COL5A3: variants seen among roughly 807,000 people sequenced by gnomAD.
COL5A3 encodes the protein collagen type V alpha 3 chain, also known as collagen alpha-3(V) chain.
COL5A3 carries 172 observed loss-of-function variants against 250.0 expected under a neutral mutation model. That is an observed-to-expected ratio of 0.69 (90% confidence interval 0.61 to 0.78). The LOEUF is 0.78. COL5A3 is among the 30% of genes least tolerant of loss of function. The probability of loss-of-function intolerance (pLI) is 0.00; values close to 1 mark genes in which losing one functional copy is unlikely to be tolerated. For missense variants in COL5A3, 2,340 were observed against 2,334.4 expected (o/e 1.00, Z -0.05); for synonymous variants, 937 against 900.4 (o/e 1.04, Z -0.73).
intron 65 of COL5A3, 21 bp downstream of exon 65, chr19:9,962,798 A>G (rs1037823059): frequency 3.1e-6 from 5 of 1,589,746 alleles, no homozygotes; most frequent in Non-Finnish European, 4.3e-6. Flanking sequence ...GTCACTCCCC[A>G]TCTCGGCCTC....
intron 8 of COL5A3, among the ~76,000 whole-genome samples, chr19:9,999,936 T>G (rs1316466606): frequency 1.3e-5 from 2 of 152,040 alleles, no homozygotes; most frequent in African/African-American, 4.8e-5. Context: ...TTTTGTATAT[T>G]TTGTAAAGAT....
At chr19:9,987,891 T>C (rs1235883409) in intron 27 of COL5A3, among the ~76,000 whole-genome samples, 1 of 151,982 alleles carries the variant, frequency 6.6e-6, no homozygotes, top group Non-Finnish European at 1.5e-5. Flanking sequence ...GCCATCATTA[T>C]GCTGCTATAT....
rs1327604447 is a variant in COL5A3, at chr19:9,979,995, G to A, written c.2657C>T (p.Pro886Leu). 3 of 1,585,534 alleles carry A rather than the reference G, an allele frequency of 1.9e-6. 1 individual carries two copies. The highest frequency in any genetic ancestry group is 2.3e-5 in the South Asian group (2 of 86,826). The change falls in exon 36 of 67, where the codon CCT becomes CTT. Residue 886 changes from proline to leucine, a missense_variant and splice_region_variant. By Grantham distance (98) the Pro-to-Leu change is moderately conservative. Transcript: ENST00000264828. ...PPGFPGPKGP[P>L]GHQGKDGRPG... ...CCCAATGAGGGTGACCTCACTCACA[G>A]GGGGGCCCTTTGGCCCAGGGAATCC...
intron 8 of COL5A3, among the ~76,000 whole-genome samples, 158 bp downstream of exon 8, chr19:10,001,366 C>T (rs1305923367): frequency 6.6e-6 from 1 of 152,144 alleles, no homozygotes; most frequent in African/African-American, 2.4e-5. Context: ...AGGCTAGTCT[C>T]AATCTCCTGA....
chr19:9,988,000 C>T (rs1015851212), intron 27 of COL5A3, among the ~76,000 whole-genome samples: 4 of 151,976 alleles, frequency 2.6e-5, no homozygotes, highest in South Asian at 4.2e-4. Context: ...TTTGAGAGGC[C>T]GAGGCGGCCG....
chr19:9,965,978 C>T (rs1010771120), intron 64 of COL5A3, among the ~76,000 whole-genome samples: 1 of 150,294 alleles, frequency 6.7e-6, no homozygotes, highest in African/African-American at 2.4e-5. Flanking sequence ...GGACTACAGG[C>T]TCGCACCACC....
Position 9,990,392 on chromosome 19 carries a change from C to CAAA in COL5A3, c.1993-873_1993-871dup, listed in dbSNP as rs879496349. Among the ~76,000 whole-genome samples, 164 of 81,828 alleles carry CAAA rather than the reference C, an allele frequency of 2.0e-3. 2 individuals carry two copies. The highest frequency in any genetic ancestry group is 7.2e-3 in the Middle Eastern group (1 of 138). 53.7% of individuals were successfully genotyped at this position (81,828 alleles called of 152,430 possible). A position where few individuals can be genotyped will look rare whatever the true frequency, so the allele number is the denominator to read the frequency against. ...CTGGACAACAAGAGTGAAATTCTGT[C>CAAA]AAAAAAAAAAAAAAAACTAAAATAG... On this transcript the variant is annotated intron_variant, in intron 24 of 66. Coordinates refer to ENST00000264828, the MANE Select transcript of COL5A3 (RefSeq NM_015719.4).
intron 20 of COL5A3, 21 bp from the exon 21 acceptor site, chr19:9,992,901 T>A (rs2087214656): frequency 3.7e-6 from 6 of 1,613,248 alleles, no homozygotes; most frequent in Non-Finnish European, 5.1e-6. Flanking sequence ...GCAGGCGAAT[T>A]ATTTCCACAT....
chr19:10,002,002 A>C (rs983441614), intron 6 of COL5A3, 121 bp from the exon 7 acceptor site: 7 of 684,318 alleles, frequency 1.0e-5, no homozygotes, highest in Non-Finnish European at 1.8e-5. Flanking sequence ...GAGGCTCCCC[A>C]AAGAGCACCA....
chr19:10,001,152 G>A (rs563000880), intron 8 of COL5A3, among the ~76,000 whole-genome samples: 1 of 148,694 alleles, frequency 6.7e-6, no homozygotes, highest in East Asian at 2.0e-4. Context: ...AAATTGTTCG[G>A]TTTTTTTTTT....
chr19:9,993,386 A>G lies in COL5A3; in HGVS notation c.1743T>C (p.Gly581=), dbSNP rs765328615. ...VGQPGPPGED[G]ERGAEGPPGP... is the part of the protein sequence containing the mutation. ...AACTCTCTTCCAAACTTACCCTCTC[A>G]CCATCCTCTCCTGGGGGACCGGGTT... The change falls in exon 19 of 67, where the codon GGT becomes GGC. Residue 581 remains glycine (G), a synonymous_variant. Transcript: ENST00000264828. 1.2e-6 allele frequency: 2 copies of G among 1,613,768 alleles called. No homozygotes were observed. Among genetic ancestry groups the G allele is most frequent in the Middle Eastern group, 1.7e-4 (1 of 6,060 alleles).
rs1203039468 is a variant in COL5A3, at chr19:9,967,356, T to C, written c.4449A>G (p.Pro1483=). The C allele has an allele frequency of 6.9e-7, 1 of 1,445,988 alleles. No homozygotes were observed. Among genetic ancestry groups the C allele is most frequent in the Non-Finnish European group, 9.0e-7 (1 of 1,105,440 alleles). The allele number at this position is 1,445,988 out of a possible 1,614,324, so 89.6% of individuals were successfully genotyped here. Residue 1483 remains proline (P), a synonymous_variant, in exon 62 of 67, where the codon CCA becomes CCG. Coordinates refer to ENST00000264828, the MANE Select transcript of COL5A3 (RefSeq NM_015719.4). ...CCCCCGGGGAACTCACCGGGGGGCC[T>C]GGTGGGCCTGCAGGTCCAGTGTCTC... ...PRGDTGPAGP[P]GPPGAPAELH...
chr19:9,993,389 A>T lies in COL5A3; in HGVS notation c.1740T>A (p.Asp580Glu). Residue 580 changes from aspartate to glutamate, a missense_variant, in exon 19 of 67, where the codon GAT becomes GAA. By Grantham distance (45) the Asp-to-Glu change is conservative. Transcript: ENST00000264828. ...HVGQPGPPGEDGERGAEGPPG... is the reference protein window; with the variant it reads ...HVGQPGPPGEEGERGAEGPPG... ...TCTCTTCCAAACTTACCCTCTCACC[A>T]TCCTCTCCTGGGGGACCGGGTTGCC... is the stretch of plus-strand genomic sequence containing the variant. The T allele has an allele frequency of 6.2e-7, 1 of 1,613,862 alleles. No homozygotes were observed. Among genetic ancestry groups the T allele is most frequent in the South Asian group, 1.1e-5 (1 of 91,054 alleles).
At chr19:10,001,239 G>A (rs924821045) in intron 8 of COL5A3, among the ~76,000 whole-genome samples, 2 of 151,812 alleles carry the variant, frequency 1.3e-5, no homozygotes, top group Middle Eastern at 3.4e-3. Context: ...TCTGCCTCCC[G>A]GGTTCAAGCA....
rs1361978575 is a variant in COL5A3 at position 9,980,027 on chromosome 19, G to T, written c.2625C>A (p.Gly875=). 1 of 1,594,002 alleles carries T rather than the reference G, an allele frequency of 6.3e-7. No individual in the cohort carries two copies. The highest frequency in any genetic ancestry group is 8.5e-7 in the Non-Finnish European group (1 of 1,174,992). ...PGEKGLPGLQ[G]PPGFPGPKGP... ...CCTTTGGCCCAGGGAATCCTGGAGGGCCTTGCAGACCAGGGAGGCCCTGAA... is the reference window on the plus strand; with the variant it reads ...CCTTTGGCCCAGGGAATCCTGGAGGTCCTTGCAGACCAGGGAGGCCCTGAA... The change falls in exon 36 of 67, where the codon GGC becomes GGA. Residue 875 remains glycine, a synonymous_variant. Transcript: ENST00000264828.
rs773998136 is a variant in COL5A3, at chr19:9,977,562, G to T, written c.3126+32C>A. 4 of 1,538,312 alleles carry T rather than the reference G, an allele frequency of 2.6e-6. No homozygotes were observed. The African/African-American group carries it at 4.1e-5, about 16-fold the overall frequency. On this transcript the variant is annotated intron_variant, in intron 42 of 66. Coordinates refer to ENST00000264828, the MANE Select transcript of COL5A3 (RefSeq NM_015719.4). ...ATGTGGCAGGGCCAGACCCTGAGGA[G>T]GCCCTAGGAATGGGATGGGCAAGTC...
Position 9,973,567 on chromosome 19 carries a change from C to T in COL5A3, c.3666+3G>A, listed in dbSNP as rs1036661889. 1 of 1,611,384 alleles carries T rather than the reference C, an allele frequency of 6.2e-7. No individual in the cohort carries two copies. The highest frequency in any genetic ancestry group is 8.5e-7 in the Non-Finnish European group (1 of 1,178,706). ...GCAGGGACCACATCACACAGTCACT[C>T]ACCGGGATGCCTGGGGCTCCTGGAG... On this transcript the variant is annotated splice_donor_region_variant and intron_variant, in intron 50 of 66. Coordinates refer to ENST00000264828, the MANE Select transcript of COL5A3 (RefSeq NM_015719.4).
chr19:9,977,334 C>T, intron 43 of COL5A3, 31 bp downstream of exon 43: 1 of 1,612,842 alleles, frequency 6.2e-7, no homozygotes, highest in East Asian at 2.2e-5. Context: ...CCCATCCTCC[C>T]CTGGACCCTT....
At chr19:9,966,815 AC>A in intron 62 of COL5A3, 69 bp from the exon 63 acceptor site, 1 of 1,252,380 alleles carries the variant, frequency 8.0e-7, no homozygotes, top group African/African-American at 1.5e-5. Context: ...AGAAAGAGAG[AC>A]AGGCAGAGAT....
Sources: allele counts gnomAD v4.1 joint callset (sites outside exome capture counted in the v4.1 genomes callset), GRCh38; gene constraint gnomAD v4.1.1; transcripts MANE v1.5; gene names NCBI Gene and HGNC (gene_info 2026-07-23, HGNC 2026-07-21).